The following IL1RAPL2 variants were observed in gnomAD, a reference collection of about 807,000 sequenced individuals.
The protein encoded by IL1RAPL2 is interleukin 1 receptor accessory protein like 2.
In IL1RAPL2, 3 loss-of-function variants were observed where a neutral mutation model predicts 44.1. That is an observed-to-expected ratio of 0.07 (90% CI 0.03 to 0.18). The LOEUF (loss-of-function observed/expected upper bound fraction) is 0.18. IL1RAPL2 is among the 10% of genes least tolerant of loss of function. The pLI, the probability that IL1RAPL2 is intolerant of heterozygous loss-of-function variation, is 1.00. For missense variants in IL1RAPL2, 391 were observed against 496.4 expected (o/e 0.79, Z 2.02); for synonymous variants, 181 against 178.8 (o/e 1.01, Z -0.10).
chrX:104,706,925 A>G lies in IL1RAPL2; in HGVS notation c.82+47930A>G, dbSNP rs1227409648. 2.7e-5 allele frequency among the ~76,000 whole-genome samples: 3 copies of G among 111,758 alleles called. No homozygotes were observed. The East Asian group carries it at 8.5e-4, about 32-fold the overall frequency. On this transcript the variant is annotated intron_variant, in intron 2 of 10. Coordinates refer to ENST00000372582, the MANE Select transcript of IL1RAPL2 (RefSeq NM_017416.2). Reference sequence around the variant, plus strand: ...GATATGACATTATTAACAAACCTGTACATGTACCCTTTTAGAATATTTTGT... The same window carrying G: ...GATATGACATTATTAACAAACCTGTGCATGTACCCTTTTAGAATATTTTGT...
At chrX:105,226,283 A>G (rs1556188709) in intron 3 of IL1RAPL2, among the ~76,000 whole-genome samples, 1 of 107,985 alleles carries the variant, frequency 9.3e-6, no homozygotes, top group Non-Finnish European at 1.9e-5. Context: ...TTTCTGACCT[A>G]GGATTCTGGT....
chrX:105,747,448 TTCTCTCTCTCTCTCTC>T (rs746410456), intron 8 of IL1RAPL2, among the ~76,000 whole-genome samples: 1 of 84,654 alleles, frequency 1.2e-5, no homozygotes, highest in Non-Finnish European at 2.3e-5. Context: ...TGATTGGCTG[TTCTCTCTCTCTCTCTC>T]TCTCTCTCTC....
Position 105,250,387 on chromosome X carries a change from C to T in IL1RAPL2, c.543+16383C>T, listed in dbSNP as rs12686898. 7.2e-5 allele frequency among the ~76,000 whole-genome samples: 8 copies of T among 111,056 alleles called. No homozygotes were observed. In the East Asian group the frequency reaches 1.7e-3, roughly 23 times the overall value. ...CACCCTCATGTTAACTGTGGACCTC[C>T]TTTAATAACAATCTATAAATATTCG... On this transcript the variant is annotated intron_variant, in intron 4 of 10. Transcript: ENST00000372582.
chrX:104,712,439 T>G (rs763562710), intron 2 of IL1RAPL2, among the ~76,000 whole-genome samples: 1 of 110,698 alleles, frequency 9.0e-6, no homozygotes, highest in Non-Finnish European at 1.9e-5. Context: ...AGATGATTCA[T>G]TTCTGCTGCT....
At chrX:104,707,089 C>A (rs1931374613) in intron 2 of IL1RAPL2, among the ~76,000 whole-genome samples, 2 of 111,248 alleles carry the variant, frequency 1.8e-5, no homozygotes, top group Admixed American at 1.9e-4. Context: ...TACCCTCTTT[C>A]CCTAGGGCAT....
chrX:104,696,822 T>C (rs781407946), intron 2 of IL1RAPL2, among the ~76,000 whole-genome samples: 2 of 111,864 alleles, frequency 1.8e-5, no homozygotes, highest in Non-Finnish European at 3.8e-5. Context: ...GCTCCTGTTA[T>C]TTATTTGTCA....
chrX:104,718,816 C>A (rs1323926034), intron 2 of IL1RAPL2, among the ~76,000 whole-genome samples: 11 of 111,790 alleles, frequency 9.8e-5, no homozygotes, highest in Non-Finnish European at 2.1e-4. Context: ...TAAGAGTCAG[C>A]AAACATTTTT....
At chrX:105,150,591 TC>T (rs2033218325) in intron 2 of IL1RAPL2, among the ~76,000 whole-genome samples, 1 of 112,150 alleles carries the variant, frequency 8.9e-6, no homozygotes, top group Non-Finnish European at 1.9e-5. Flanking sequence ...GACTGACAGT[TC>T]TTAGGCTGCC....
chrX:105,470,970 G>A (rs1008908965), intron 5 of IL1RAPL2, among the ~76,000 whole-genome samples: 2 of 111,126 alleles, frequency 1.8e-5, no homozygotes, highest in African/African-American at 3.3e-5. Flanking sequence ...AGGTTGGTGC[G>A]AAAGTTATTG....
intron 2 of IL1RAPL2, among the ~76,000 whole-genome samples, chrX:105,034,270 G>A (rs948582066): frequency 1.2e-4 from 13 of 112,320 alleles, no homozygotes; most frequent in Non-Finnish European, 2.3e-4. Context: ...CTGGTGAGGA[G>A]CTGCGTTCCT....
intron 6 of IL1RAPL2, among the ~76,000 whole-genome samples, chrX:105,537,255 T>C (rs180782549): frequency 3.3e-3 from 371 of 112,120 alleles, no homozygotes; most frequent in Non-Finnish European, 4.8e-3. Flanking sequence ...ATTTGTAGAA[T>C]GCTCTGGTGA....
chrX:105,291,842 A>C (rs919682422), intron 5 of IL1RAPL2, among the ~76,000 whole-genome samples: 11 of 111,623 alleles, frequency 9.9e-5, no homozygotes, highest in Non-Finnish European at 1.9e-4. Flanking sequence ...CAAAAAACAC[A>C]ATTTTGAACT....
Position 104,769,236 on chromosome X carries a change from C to A in IL1RAPL2, c.82+110241C>A, listed in dbSNP as rs184612838. ...ACATAGCGTCTTGTACATTGTGTAC[C>A]TCAAATAGTTGACCTGATTGGTTCA... is the stretch of plus-strand genomic sequence containing the variant. On this transcript the variant is annotated intron_variant, in intron 2 of 10. Coordinates refer to ENST00000372582, the MANE Select transcript of IL1RAPL2 (RefSeq NM_017416.2). 2.7e-3 allele frequency among the ~76,000 whole-genome samples: 305 copies of A among 111,528 alleles called. 2 individuals are homozygous for A. Among genetic ancestry groups the A allele is most frequent in the African/African-American group, 9.6e-3 (296 of 30,730 alleles).
chrX:105,757,739 T>G (rs1417032921), intron 10 of IL1RAPL2, among the ~76,000 whole-genome samples: 1 of 111,611 alleles, frequency 9.0e-6, no homozygotes, highest in Non-Finnish European at 1.9e-5. Flanking sequence ...CCTTCCTTCC[T>G]GAACGAGGAA....
At chrX:105,100,149 T>C (rs1418750921) in intron 2 of IL1RAPL2, among the ~76,000 whole-genome samples, 2 of 112,052 alleles carry the variant, frequency 1.8e-5, no homozygotes, top group Non-Finnish European at 3.8e-5. Context: ...TGTGCCCAAT[T>C]TATAAATGAC....
chrX:104,876,862 A>G (rs1446941855), intron 2 of IL1RAPL2, among the ~76,000 whole-genome samples: 1 of 108,757 alleles, frequency 9.2e-6, no homozygotes, highest in African/African-American at 3.4e-5. Context: ...TATATCTCCC[A>G]ATGCTATCCC....
At position 105,695,304 on chromosome X, in the gene IL1RAPL2, A is replaced by G. The variant is rs770939762; in HGVS notation, c.773-22063A>G. ...CAACAAAAAGAGGTATCGTATTTTC[A>G]GGGAAAAATGTGTCAGATCCAAAGG... On this transcript the variant is annotated intron_variant, in intron 6 of 10. Transcript: ENST00000372582. Among the ~76,000 whole-genome samples, 3 of 112,081 alleles carry G rather than the reference A, an allele frequency of 2.7e-5. No individual in the cohort carries two copies. The Admixed American group carries it at 2.8e-4, about 11-fold the overall frequency.
chrX:105,166,936 AAACTT>A (rs987114902), intron 2 of IL1RAPL2, among the ~76,000 whole-genome samples: 1 of 112,350 alleles, frequency 8.9e-6, no homozygotes, highest in African/African-American at 3.2e-5. Context: ...TGTATAATAA[AAACTT>A]AAACTAACTA....
At chrX:104,870,665 T>G (rs1922738017) in intron 2 of IL1RAPL2, among the ~76,000 whole-genome samples, 1 of 111,883 alleles carries the variant, frequency 8.9e-6, no homozygotes, top group Non-Finnish European at 1.9e-5. Flanking sequence ...TGTAACTTTC[T>G]CTTACACTAT....
Sources: gnomAD v4.1 joint callset for allele counts (sites outside exome capture counted in the v4.1 genomes callset) on GRCh38, gnomAD v4.1.1 for gene constraint, MANE v1.5 for transcripts, NCBI Gene and HGNC (gene_info 2026-07-23, HGNC 2026-07-21) for gene names.